The following RAB3D variants were observed in gnomAD, a reference collection of about 807,000 sequenced individuals.
The protein encoded by RAB3D is RAB3D, member RAS oncogene family, also known as ras-related protein Rab-3D.
A neutral mutation model predicts 19.3 loss-of-function variants in RAB3D; 17 were observed. The observed-to-expected ratio is 0.88, with a 90% CI of 0.60 to 1.32. The LOEUF is 1.32. Ranked by LOEUF, RAB3D falls within the 40% of genes most tolerant of loss-of-function variation. RAB3D has a pLI of 0.00. For missense variants in RAB3D, 223 were observed against 299.1 expected, an observed-to-expected ratio of 0.75 and a Z score of 1.88; for synonymous variants, 103 against 119.9, an observed-to-expected ratio of 0.86 and a Z score of 0.92.
intron 4 of RAB3D, among the ~76,000 whole-genome samples, chr19:11,332,467 C>A (rs968689685): frequency 6.6e-6 from 1 of 152,188 alleles, no homozygotes; most frequent in African/African-American, 2.4e-5. Context: ...ACCTCAGCCT[C>A]CTGAGTAGCT....
chr19:11,337,195 T>C lies in RAB3D; in HGVS notation c.205A>G (p.Lys69Glu). 6.2e-7 allele frequency: 1 copy of C among 1,613,966 alleles called. No homozygotes were observed. Among genetic ancestry groups the C allele is most frequent in the Non-Finnish European group, 8.5e-7 (1 of 1,179,944 alleles). The part of the protein sequence containing the change: ...FKVKTVYRHD[K>E]RIKLQIWDTA... ...ACCCAGATCTGCAGCTTGATCCTCT[T>C]GTCATGGCGGTAGACGGTCTTGACC... is the stretch of plus-strand genomic sequence containing the variant. The change falls in exon 2 of 5, where the codon AAG (lysine) becomes GAG (glutamate). Residue 69 changes from lysine (K) to glutamate (E), a missense_variant. Transcript: ENST00000222120.
At chr19:11,329,691 T>C (rs541159884) in intron 4 of RAB3D, among the ~76,000 whole-genome samples, 1 of 151,984 alleles carries the variant, frequency 6.6e-6, no homozygotes, top group African/African-American at 2.4e-5. Context: ...CTTCTTTTTG[T>C]GTGTGTGTGA....
At chr19:11,327,722 G>A (rs941791880) in intron 4 of RAB3D, among the ~76,000 whole-genome samples, 2 of 152,208 alleles carry the variant, frequency 1.3e-5, no homozygotes, top group African/African-American at 2.4e-5. Context: ...TTAATCAGGC[G>A]TGGTGGTATG....
At chr19:11,332,911 CA>C (rs1215126776) in intron 4 of RAB3D, among the ~76,000 whole-genome samples, 1 of 151,760 alleles carries the variant, frequency 6.6e-6, no homozygotes, top group Non-Finnish European at 1.5e-5. Flanking sequence ...CTCATGTGTC[CA>C]AAGAAATATA....
intron 4 of RAB3D, among the ~76,000 whole-genome samples, chr19:11,333,221 C>T (rs995090814): frequency 6.6e-5 from 10 of 151,386 alleles, no homozygotes; most frequent in Non-Finnish European, 1.3e-4. Context: ...CTGGGACTAC[C>T]GGCGCCCACC....
chr19:11,328,051 A>G (rs1250906803), intron 4 of RAB3D, among the ~76,000 whole-genome samples: 1 of 151,680 alleles, frequency 6.6e-6, no homozygotes, highest in Non-Finnish European at 1.5e-5. Context: ...ATAAAAATTA[A>G]GGCCAGGCAT....
chr19:11,337,674 T>TC (rs1226102658), intron 1 of RAB3D, among the ~76,000 whole-genome samples: 1 of 150,284 alleles, frequency 6.7e-6, no homozygotes, highest in Non-Finnish European at 1.5e-5. Flanking sequence ...TTTCTTTCTT[T>TC]TTTTTTTTTT....
At chr19:11,336,826 C>T (rs1484382573) in intron 2 of RAB3D, among the ~76,000 whole-genome samples, 6 of 151,628 alleles carry the variant, frequency 4.0e-5, no homozygotes, top group Admixed American at 2.6e-4. Context: ...AAAAATTAGC[C>T]GGGTGTGGTG....
intron 2 of RAB3D, among the ~76,000 whole-genome samples, chr19:11,336,213 G>C (rs1966894192): frequency 6.6e-6 from 1 of 152,192 alleles, no homozygotes; most frequent in Non-Finnish European, 1.5e-5. Context: ...TGACTCTGCA[G>C]ACCAGGTCGG....
At chr19:11,328,619 C>T (rs1214746609) in intron 4 of RAB3D, among the ~76,000 whole-genome samples, 1 of 152,044 alleles carries the variant, frequency 6.6e-6, no homozygotes, top group African/African-American at 2.4e-5. Flanking sequence ...TGCACTCCAG[C>T]CTGGCAACAG....
intron 4 of RAB3D, among the ~76,000 whole-genome samples, chr19:11,328,014 T>C (rs1328297770): frequency 2.6e-5 from 4 of 151,462 alleles, no homozygotes; most frequent in African/African-American, 9.7e-5. Context: ...CTGGGCAACA[T>C]AGCAAGACCC....
intron 4 of RAB3D, among the ~76,000 whole-genome samples, chr19:11,332,181 C>T (rs922006208): frequency 6.6e-5 from 10 of 151,582 alleles, no homozygotes; most frequent in African/African-American, 2.2e-4. Context: ...TACAGGCATG[C>T]GCCACCACGA....
At chr19:11,330,727 T>A (rs1040957870) in intron 4 of RAB3D, among the ~76,000 whole-genome samples, 2 of 152,140 alleles carry the variant, frequency 1.3e-5, no homozygotes, top group Non-Finnish European at 2.9e-5. Context: ...TTTTTTTGTA[T>A]TTTTAGTAGA....
At chr19:11,334,955 T>G (rs1169032538) in intron 4 of RAB3D, among the ~76,000 whole-genome samples, 1 of 152,062 alleles carries the variant, frequency 6.6e-6, no homozygotes, top group East Asian at 1.9e-4. Flanking sequence ...AAGCGGAGCT[T>G]GCAGTGAGCC....
At chr19:11,330,700 C>T (rs943603340) in intron 4 of RAB3D, among the ~76,000 whole-genome samples, 2 of 152,032 alleles carry the variant, frequency 1.3e-5, no homozygotes, top group African/African-American at 4.8e-5. Context: ...CAGGTGTGTA[C>T]CACCACACCC....
At chr19:11,331,274 G>A (rs1220376499) in intron 4 of RAB3D, among the ~76,000 whole-genome samples, 1 of 151,868 alleles carries the variant, frequency 6.6e-6, no homozygotes, top group Non-Finnish European at 1.5e-5. Flanking sequence ...CAGCCTGGGC[G>A]ACAAGAGCAA....
chr19:11,335,852 C>T lies in RAB3D; in HGVS notation c.229-69G>A, dbSNP rs979232258. 1.4e-5 allele frequency: 19 copies of T among 1,386,722 alleles called. No homozygotes were observed. In the African/African-American group the frequency reaches 2.7e-4, roughly 20 times the overall value. The allele number at this position is 1,386,722 out of a possible 1,614,324, so 85.9% of individuals were successfully genotyped here. A position where few individuals can be genotyped will look rare whatever the true frequency, so the allele number is the denominator to read the frequency against. On this transcript the variant is annotated intron_variant, in intron 2 of 4. Coordinates refer to ENST00000222120, the MANE Select transcript of RAB3D (RefSeq NM_004283.4). ...CCAGTCCACCCCTGTCTTAGAGGGG[C>T]ACTGCCCTGTACTCATAGCCCCAGC...
rs1014339594 is a variant in RAB3D at position 11,322,534 on chromosome 19, T to A, written c.*2864A>T. ...GGTTTTCCCACGGCCTTTGGTTTAATGTGTCTGTAAACTCAACAAACCTCC... is the reference window on the plus strand; with the variant it reads ...GGTTTTCCCACGGCCTTTGGTTTAAAGTGTCTGTAAACTCAACAAACCTCC... On this transcript the variant is annotated 3_prime_UTR_variant, in exon 5 of 5. Transcript: ENST00000222120. 6.6e-6 allele frequency: 1 copy of A among 152,294 alleles called. No homozygotes were observed. Among genetic ancestry groups the A allele is most frequent in the Non-Finnish European group, 1.5e-5 (1 of 68,040 alleles). The allele number at this position is 152,294 out of a possible 1,614,324, so 9.4% of individuals were successfully genotyped here.
intron 4 of RAB3D, among the ~76,000 whole-genome samples, chr19:11,333,246 AT>A (rs1308283208): frequency 6.6e-6 from 1 of 151,556 alleles, no homozygotes; most frequent in African/African-American, 2.4e-5. Flanking sequence ...CGCCTGGCTA[AT>A]TTTTTTGTAT....
Sources: gnomAD v4.1 joint callset for allele counts (sites outside exome capture counted in the v4.1 genomes callset) on GRCh38, gnomAD v4.1.1 for gene constraint, MANE v1.5 for transcripts, NCBI Gene and HGNC (gene_info 2026-07-23, HGNC 2026-07-21) for gene names.